The following TJP1 variants were observed in gnomAD, a reference collection of about 807,000 sequenced individuals.
TJP1 encodes the protein tight junction protein ZO-1.
Under a neutral mutation model 194.2 loss-of-function variants are expected in TJP1, and 43 were observed. The ratio of observed to expected loss-of-function variants is 0.22; its 90% CI spans 0.17 to 0.29. The LOEUF (loss-of-function observed/expected upper bound fraction) is 0.29, where lower values mean the gene tolerates loss of function less well. Ranked by LOEUF, TJP1 falls within the 10% of genes least tolerant of loss-of-function variation. The pLI is 1.00. For missense variants in TJP1, 1,971 were observed against 2,185.7 expected, an observed-to-expected ratio of 0.90 and a Z score of 1.96; for synonymous variants, 801 against 779.0, an observed-to-expected ratio of 1.03 and a Z score of -0.47.
At chr15:29,796,679 T>C (rs1349392159) in intron 2 of TJP1, among the ~76,000 whole-genome samples, 1 of 152,164 alleles carries the variant, frequency 6.6e-6, no homozygotes, top group Non-Finnish European at 1.5e-5. Flanking sequence ...GACAAAATTA[T>C]TCTAAAATTT....
intron 8 of TJP1, among the ~76,000 whole-genome samples, chr15:29,751,951 G>A (rs1035613763): frequency 2.0e-5 from 3 of 151,950 alleles, no homozygotes; most frequent in South Asian, 2.1e-4. Context: ...TTGAGACAGG[G>A]CCTTGTTCTA....
chr15:29,728,050 A>T, intron 15 of TJP1, 31 bp from the exon 16 acceptor site: 1 of 1,592,178 alleles, frequency 6.3e-7, no homozygotes, highest in Non-Finnish European at 8.6e-7. Context: ...AAAATAAGAC[A>T]TCAAATTTTC....
At chr15:29,862,453 C>T (rs1250323722) in intron 2 of TJP1, among the ~76,000 whole-genome samples, 2 of 150,650 alleles carry the variant, frequency 1.3e-5, no homozygotes, top group African/African-American at 4.9e-5. Flanking sequence ...TCATTCTAGG[C>T]AAAACAAACA....
intron 2 of TJP1, among the ~76,000 whole-genome samples, chr15:29,798,267 AGC>A (rs902557407): frequency 1.1e-4 from 7 of 62,600 alleles, no homozygotes; most frequent in African/African-American, 3.4e-4. Flanking sequence ...CACTGTGCCC[AGC>A]GTTTTTTTTT....
At chr15:29,867,782 G>A (rs572715059) in intron 2 of TJP1, among the ~76,000 whole-genome samples, 15 of 152,054 alleles carry the variant, frequency 9.9e-5, no homozygotes, top group Non-Finnish European at 2.1e-4. Context: ...AAGGCTGGAC[G>A]CAGTGGTTCA....
At chr15:29,708,335 T>C (rs180895902) in intron 25 of TJP1, among the ~76,000 whole-genome samples, 1 of 152,284 alleles carries the variant, frequency 6.6e-6, no homozygotes, top group East Asian at 1.9e-4. Flanking sequence ...ACAGGGATGA[T>C]GACAATACCT....
chr15:29,967,639 C>A (rs1351679349), intron 1 of TJP1, among the ~76,000 whole-genome samples: 14 of 152,188 alleles, frequency 9.2e-5, no homozygotes, highest in Admixed American at 9.2e-4. Context: ...TTTTAGGATT[C>A]TTTTTCTTAA....
intron 2 of TJP1, among the ~76,000 whole-genome samples, chr15:29,938,705 C>T (rs963971328): frequency 3.9e-5 from 6 of 152,308 alleles, no homozygotes; most frequent in South Asian, 2.1e-4. Flanking sequence ...TCCAGCAATT[C>T]GAACAATGAA....
intron 1 of TJP1, among the ~76,000 whole-genome samples, chr15:29,809,919 T>C (rs755398265): frequency 7.2e-5 from 11 of 152,210 alleles, no homozygotes; most frequent in Non-Finnish European, 1.3e-4. Context: ...GATAATGTAG[T>C]TATAGTACTT....
At chr15:29,746,387 A>G (rs2044784079) in intron 8 of TJP1, among the ~76,000 whole-genome samples, 1 of 152,080 alleles carries the variant, frequency 6.6e-6, no homozygotes, top group African/African-American at 2.4e-5. Flanking sequence ...CAAAAAAAAA[A>G]AAAGAAAGAA....
In TJP1 at chr15:29,766,349, G is replaced by A. The variant is rs774702424; in HGVS notation, c.506C>T (p.Pro169Leu). The A allele has an allele frequency of 2.0e-5, 32 of 1,614,060 alleles. No homozygotes were observed. The highest frequency in any genetic ancestry group is 6.7e-5 in the East Asian group (3 of 44,882). Reference sequence around the variant, plus strand: ...AGCCACTGACCGCCTGTCTGACCGCGGGGACAAGCTCCTCTCTCTACTTGC... The same window carrying A: ...AGCCACTGACCGCCTGTCTGACCGCAGGGACAAGCTCCTCTCTCTACTTGC... ...RSASRERSLSPRSDRRSVASS... is the reference protein window; with the variant it reads ...RSASRERSLSLRSDRRSVASS... The change falls in exon 5 of 28, where the codon CCG becomes CTG. Residue 169 changes from proline to leucine, a missense_variant. Physicochemically the swap from Pro to Leu is moderately conservative, Grantham distance 98. Coordinates refer to ENST00000614355, the MANE Select transcript of TJP1 (RefSeq NM_001330239.4).
At chr15:29,754,672 G>A (rs2045527005) in intron 8 of TJP1, among the ~76,000 whole-genome samples, 1 of 152,138 alleles carries the variant, frequency 6.6e-6, no homozygotes, top group African/African-American at 2.4e-5. Context: ...TAAAATGCTT[G>A]GGACCAGAAC....
chr15:29,862,963 T>C (rs1362123771), intron 2 of TJP1, among the ~76,000 whole-genome samples: 1 of 151,512 alleles, frequency 6.6e-6, no homozygotes, highest in African/African-American at 2.4e-5. Context: ...TCGGTTTTTA[T>C]AACAAGGCAA....
intron 2 of TJP1, among the ~76,000 whole-genome samples, chr15:29,793,934 C>G (rs2048250155): frequency 6.6e-6 from 1 of 152,114 alleles, no homozygotes; most frequent in African/African-American, 2.4e-5. Context: ...AGATACTGGC[C>G]TGTAGTTTTC....
rs45476796 is a variant in TJP1 at position 29,732,824 on chromosome 15, G to A, written c.1737-9C>T. 8.3e-6 allele frequency: 13 copies of A among 1,562,046 alleles called. No individual in the cohort carries two copies. The highest frequency in any genetic ancestry group is 1.1e-5 in the Non-Finnish European group (13 of 1,160,306). On this transcript the variant is annotated splice_polypyrimidine_tract_variant and intron_variant, in intron 13 of 27. Transcript: ENST00000614355. ...TGGCTAGCTGCTCAGCTCTACACAA[G>A]AAAGGAGAAAATTAAAATAAGGGCA...
Position 29,710,822 on chromosome 15 carries a change from A to G in TJP1, c.4372+9T>C. 1 of 1,613,850 alleles carries G rather than the reference A, an allele frequency of 6.2e-7. No homozygotes were observed. Among genetic ancestry groups the G allele is most frequent in the Non-Finnish European group, 8.5e-7 (1 of 1,180,016 alleles). On this transcript the variant is annotated intron_variant, in intron 24 of 27. Transcript: ENST00000614355. ...ACTGTGTTAAAATGTCTACTTCCGA[A>G]CTTCCTACCTTCACCATGTGCTCCC... is the stretch of plus-strand genomic sequence containing the variant.
chr15:29,822,322 C>T lies in TJP1; in HGVS notation c.-294G>A. 3 of 1,084,146 alleles carry T rather than the reference C, an allele frequency of 2.8e-6. No individual in the cohort carries two copies. The highest frequency in any genetic ancestry group is 3.4e-6 in the Non-Finnish European group (3 of 893,338). The allele number at this position is 1,084,146 out of a possible 1,614,324, so 67.2% of individuals were successfully genotyped here. A position where few individuals can be genotyped will look rare whatever the true frequency, so the allele number is the denominator to read the frequency against. On this transcript the variant is annotated 5_prime_UTR_variant, in exon 1 of 28. Transcript: ENST00000614355. ...TTTCGCAGCCCGGCCACGTCGGCCT[C>T]GCCCGGTCGCCCGCCCGTCAGCAGC...
intron 9 of TJP1, among the ~76,000 whole-genome samples, chr15:29,742,377 G>A (rs572571019): frequency 6.6e-6 from 1 of 152,192 alleles, no homozygotes; most frequent in South Asian, 2.1e-4. Context: ...TCTCTTTAAG[G>A]AGCAGTGTTG....
intron 18 of TJP1, among the ~76,000 whole-genome samples, chr15:29,725,551 C>T (rs1407398352): frequency 6.6e-6 from 1 of 151,828 alleles, no homozygotes; most frequent in Non-Finnish European, 1.5e-5. Context: ...ACTTACTGCA[C>T]TGATCTGAAA....
Sources: allele counts gnomAD v4.1 joint callset (sites outside exome capture counted in the v4.1 genomes callset), GRCh38; gene constraint gnomAD v4.1.1; transcripts MANE v1.5; gene names NCBI Gene and HGNC (gene_info 2026-07-23, HGNC 2026-07-21).